The following MAP1B variants were observed in gnomAD, a reference collection of about 807,000 sequenced individuals.
MAP1B encodes microtubule associated protein 1B, also known as microtubule-associated protein 1B.
MAP1B carries 12 observed loss-of-function variants against 176.1 expected under a neutral mutation model. The ratio of observed to expected loss-of-function variants is 0.07; its 90% confidence interval spans 0.04 to 0.11. MAP1B has a LOEUF of 0.11. MAP1B is among the 10% of genes least tolerant of loss of function. The pLI is 1.00. For synonymous variants in MAP1B, 1,044 were observed against 1,135.0 expected, an observed-to-expected ratio of 0.92 and a Z score of 1.61; for missense variants, 2,523 against 2,990.5, an observed-to-expected ratio of 0.84 and a Z score of 3.65.
intron 2 of MAP1B, among the ~76,000 whole-genome samples, chr5:72,137,324 A>T (rs1343195485): frequency 1.3e-5 from 2 of 152,156 alleles, no homozygotes; most frequent in Non-Finnish European, 1.5e-5. Context: ...TGAGTGTATT[A>T]TTTTCTTAGA....
intron 2 of MAP1B, among the ~76,000 whole-genome samples, chr5:72,174,688 T>C (rs941349249): frequency 1.3e-5 from 2 of 152,186 alleles, no homozygotes; most frequent in Admixed American, 1.3e-4. Context: ...GTATTTTCCT[T>C]TGTCTGCAGC....
At chr5:72,110,949 A>G (rs1745323542) in intron 1 of MAP1B, among the ~76,000 whole-genome samples, 1 of 152,212 alleles carries the variant, frequency 6.6e-6, no homozygotes, top group Non-Finnish European at 1.5e-5. Context: ...TCTCAACTAT[A>G]TTCGGAAAGC....
At chr5:72,151,119 G>A (rs946050275) in intron 2 of MAP1B, among the ~76,000 whole-genome samples, 2 of 152,070 alleles carry the variant, frequency 1.3e-5, no homozygotes, top group South Asian at 2.1e-4. Context: ...TTCTGGTGGG[G>A]GCTTTTGTGT....
intron 2 of MAP1B, among the ~76,000 whole-genome samples, chr5:72,178,342 G>A (rs1206377330): frequency 1.3e-5 from 2 of 152,200 alleles, no homozygotes; most frequent in Non-Finnish European, 2.9e-5. Flanking sequence ...TAGTGCTTGT[G>A]GTCTTTCTTG....
At chr5:72,141,822 A>C (rs1002265571) in intron 2 of MAP1B, among the ~76,000 whole-genome samples, 1 of 152,218 alleles carries the variant, frequency 6.6e-6, no homozygotes, top group African/African-American at 2.4e-5. Flanking sequence ...TGGTTAAAAA[A>C]GATAGAGAAA....
intron 2 of MAP1B, among the ~76,000 whole-genome samples, chr5:72,140,447 C>T (rs767028721): frequency 5.3e-5 from 8 of 152,288 alleles, no homozygotes; most frequent in South Asian, 4.1e-4. Flanking sequence ...TTTCATGCTA[C>T]AGTAAAGTAT....
Position 72,205,194 on chromosome 5 carries a change from G to T in MAP1B, c.7362G>T (p.Val2454=), listed in dbSNP as rs768272397. ...TGGTTTTAGCAAGCAGCAGCACAGT[G>T]GTTATGCAAGATGAATCCTTCCCTG... ...NIMVLASSST[V]VMQDESFPAC... The change falls in exon 7 of 7, where the codon GTG becomes GTT. Residue 2454 remains valine, a synonymous_variant. Transcript: ENST00000296755. 1 of 1,613,986 alleles carries T rather than the reference G, an allele frequency of 6.2e-7. No individual in the cohort carries two copies.
chr5:72,143,258 C>T (rs1196387534), intron 2 of MAP1B, among the ~76,000 whole-genome samples: 1 of 152,146 alleles, frequency 6.6e-6, no homozygotes, highest in African/African-American at 2.4e-5. Context: ...TGTTGAGATG[C>T]CAAATAGAAA....
chr5:72,184,386 C>G (rs1346042324), intron 3 of MAP1B, among the ~76,000 whole-genome samples: 2 of 152,224 alleles, frequency 1.3e-5, no homozygotes, highest in Non-Finnish European at 2.9e-5. Context: ...TATTTACTGT[C>G]TTTGTCTCCG....
chr5:72,156,662 A>G (rs1463383888), intron 2 of MAP1B, among the ~76,000 whole-genome samples: 1 of 152,210 alleles, frequency 6.6e-6, no homozygotes, highest in Admixed American at 6.5e-5. Flanking sequence ...CAACCCTGAG[A>G]TAAGAATTGT....
chr5:72,113,420 G>A (rs1028931327), intron 1 of MAP1B, among the ~76,000 whole-genome samples: 7 of 152,026 alleles, frequency 4.6e-5, no homozygotes, highest in Non-Finnish European at 8.8e-5. Context: ...ATTACTAAGT[G>A]GATTTATCAT....
At chr5:72,205,062 T>A in intron 6 of MAP1B, 22 bp from the exon 7 acceptor site, 1 of 1,372,230 alleles carries the variant, frequency 7.3e-7, no homozygotes, top group Non-Finnish European at 9.9e-7. Context: ...TAAATAGCTA[T>A]TTTTTTTTTC....
rs770599291 is a variant in MAP1B, at chr5:72,199,377, T to C, written c.6022T>C (p.Tyr2008His). Reference sequence around the variant, plus strand: ...CACACTTGGGGACCCCAGCTACTCTTATGAAACCACTGAGAAAATTACCAG... The same window carrying C: ...CACACTTGGGGACCCCAGCTACTCTCATGAAACCACTGAGAAAATTACCAG... ...GHTLGDPSYS[Y>H]ETTEKITSFP... is the part of the protein sequence containing the mutation. Residue 2008 changes from tyrosine to histidine, a missense_variant, in exon 5 of 7, where the codon TAT becomes CAT. By Grantham distance (83) the Tyr-to-His change is moderately conservative (BLOSUM62 2). Coordinates refer to ENST00000296755, the MANE Select transcript of MAP1B (RefSeq NM_005909.5). The surrounding 1 kb of genome is among the most constrained non-coding windows in gnomAD (Gnocchi z 4.2). 6.2e-7 allele frequency: 1 copy of C among 1,614,164 alleles called. No individual in the cohort carries two copies. The highest frequency in any genetic ancestry group is 1.7e-5 in the Admixed American group (1 of 60,022).
chr5:72,200,093 A>G lies in MAP1B; in HGVS notation c.6738A>G (p.Lys2246=), dbSNP rs774821232. Residue 2246 remains lysine, a synonymous_variant, in exon 5 of 7, where the codon AAA becomes AAG. Coordinates refer to ENST00000296755, the MANE Select transcript of MAP1B (RefSeq NM_005909.5). ...ATCTGAAAGAGAAGACCAAAACCAAAAAGCCAGGTACAAAGACCAAGTCAT... is the reference window on the plus strand; with the variant it reads ...ATCTGAAAGAGAAGACCAAAACCAAGAAGCCAGGTACAAAGACCAAGTCAT... ...KKDLKEKTKT[K]KPGTKTKSSS... 2 of 1,614,088 alleles carry G rather than the reference A, an allele frequency of 1.2e-6. No homozygotes were observed. The highest frequency in any genetic ancestry group is 1.7e-5 in the Admixed American group (1 of 60,004).
In MAP1B at chr5:72,195,900, G is replaced by A. The variant is rs770602834; in HGVS notation, c.2545G>A (p.Asp849Asn). ...TGAAGAGTTAAAGGCTGAAGAGGTC[G>A]ATGTAACAAAGGACATCAAGCCTCA... ...DFEELKAEEV[D>N]VTKDIKPQLE... The change falls in exon 5 of 7, where the codon GAT (aspartate) becomes AAT (asparagine). Residue 849 changes from aspartate (D) to asparagine (N), a missense_variant. Asp to Asn is a conservative substitution (Grantham distance 23, BLOSUM62 1). Around this residue, in one of 4 missense-constraint regions of MAP1B, gnomAD observed 1,925 missense variants for 2,126.0 expected, o/e 0.91. Transcript: ENST00000296755. 22 of 1,614,100 alleles carry A rather than the reference G, an allele frequency of 1.4e-5. No homozygotes were observed. The highest frequency in any genetic ancestry group is 1.6e-4 in the Middle Eastern group (1 of 6,084).
intron 2 of MAP1B, among the ~76,000 whole-genome samples, chr5:72,130,890 G>A (rs1745719530): frequency 6.6e-6 from 1 of 152,190 alleles, no homozygotes; most frequent in African/African-American, 2.4e-5. Flanking sequence ...TACATATAAA[G>A]TTGGCAAACA....
chr5:72,160,941 T>C (rs565298808), intron 2 of MAP1B, among the ~76,000 whole-genome samples: 1 of 152,318 alleles, frequency 6.6e-6, no homozygotes, highest in African/African-American at 2.4e-5. Context: ...GGGGATTTCA[T>C]AGGCTAGAAA....
At chr5:72,189,103 A>C (rs1746971383) in intron 4 of MAP1B, among the ~76,000 whole-genome samples, 1 of 152,218 alleles carries the variant, frequency 6.6e-6, no homozygotes, top group South Asian at 2.1e-4. Flanking sequence ...CCAAAACCAC[A>C]ATTTGGGACA....
Position 72,194,084 on chromosome 5 carries a change from T to C in MAP1B, c.729T>C (p.Phe243=). ...AATCAGTGGAAGTCCCATCTCCCTT[T>C]GACATCTTGGAACCTCCCACATCGG... ...LSESVEVPSP[F]DILEPPTSGG... is the part of the protein sequence containing the mutation. The change falls in exon 5 of 7, where the codon TTT becomes TTC. Residue 243 remains phenylalanine (F), a synonymous_variant. Coordinates refer to ENST00000296755, the MANE Select transcript of MAP1B (RefSeq NM_005909.5). The surrounding 1 kb of genome is among the most constrained non-coding windows in gnomAD (Gnocchi z 7.2). The C allele has an allele frequency of 6.2e-7, 1 of 1,614,232 alleles. No homozygotes were observed. The highest frequency in any genetic ancestry group is 1.3e-5 in the African/African-American group (1 of 75,064).
Sources: allele counts gnomAD v4.1 joint callset (sites outside exome capture counted in the v4.1 genomes callset), GRCh38; gene constraint gnomAD v4.1.1; regional missense constraint gnomAD v4.1.1; non-coding constraint Gnocchi (gnomAD v3.1); transcripts MANE v1.5; gene names NCBI Gene and HGNC (gene_info 2026-07-23, HGNC 2026-07-21).